Variants in VAV3 observed in about 807,000 individuals in gnomAD.
VAV3 encodes the protein vav guanine nucleotide exchange factor 3.
In VAV3, 94 loss-of-function variants were observed where a neutral mutation model predicts 131.2. The observed-to-expected ratio is 0.72, with a 90% CI of 0.61 to 0.85. The LOEUF is 0.85. Among genes scored for constraint, VAV3 ranks in the 40% least tolerant of loss-of-function variants. VAV3 has a pLI of 0.00. For synonymous variants in VAV3, 349 were observed against 342.0 expected, an observed-to-expected ratio of 1.02 and a Z score of -0.22; for missense variants, 939 against 1,002.7, an observed-to-expected ratio of 0.94 and a Z score of 0.86.
intron 1 of VAV3, among the ~76,000 whole-genome samples, chr1:107,904,176 T>C (rs1671996747): frequency 6.6e-6 from 1 of 152,140 alleles, no homozygotes. Flanking sequence ...AAATGACCCT[T>C]TGGTATCAAT....
At chr1:107,743,367 G>A (rs1663134607) in intron 15 of VAV3, among the ~76,000 whole-genome samples, 1 of 152,116 alleles carries the variant, frequency 6.6e-6, no homozygotes, top group Non-Finnish European at 1.5e-5. Flanking sequence ...AGACTGGTGA[G>A]AGATTGATTA....
chr1:107,722,299 A>G (rs1336080699), intron 15 of VAV3, among the ~76,000 whole-genome samples: 1 of 152,164 alleles, frequency 6.6e-6, no homozygotes, highest in Non-Finnish European at 1.5e-5. Flanking sequence ...TGCAGAGCAC[A>G]CTTTTCTCAC....
At chr1:107,631,316 T>C (rs1468574738) in intron 20 of VAV3, among the ~76,000 whole-genome samples, 1 of 152,044 alleles carries the variant, frequency 6.6e-6, no homozygotes, top group Non-Finnish European at 1.5e-5. Flanking sequence ...GCAGGCATAA[T>C]ACATGTTTAG....
chr1:107,757,225 A>C, intron 11 of VAV3, 36 bp downstream of exon 11: 1 of 1,591,110 alleles, frequency 6.3e-7, no homozygotes, highest in Non-Finnish European at 8.6e-7. Context: ...GGCAAGAATA[A>C]AAAATACAAA....
intron 2 of VAV3, among the ~76,000 whole-genome samples, chr1:107,853,484 ACAAG>A (rs1669322703): frequency 6.6e-6 from 1 of 152,080 alleles, no homozygotes; most frequent in Non-Finnish European, 1.5e-5. Flanking sequence ...TTTGAGATAC[ACAAG>A]TTTTCCATTT....
chr1:107,882,580 T>C lies in VAV3; in HGVS notation c.205-7563A>G, dbSNP rs144199915. Among the ~76,000 whole-genome samples, 621 of 152,224 alleles carry C rather than the reference T, an allele frequency of 4.1e-3. 5 individuals are homozygous for C. The highest frequency in any genetic ancestry group is 0.014 in the African/African-American group (584 of 41,548). ...GGAAGAGGTGTAAGGAATATAATAA[T>C]ATCAAGCTTCTCTCTTACTGGAGTT... On this transcript the variant is annotated intron_variant, in intron 1 of 26. Coordinates refer to ENST00000370056, the MANE Select transcript of VAV3 (RefSeq NM_006113.5).
At chr1:107,610,597 G>GA (rs1297291468) in intron 21 of VAV3, among the ~76,000 whole-genome samples, 3 of 152,006 alleles carry the variant, frequency 2.0e-5, no homozygotes, top group East Asian at 1.9e-4. Flanking sequence ...CTTTTATTCA[G>GA]AAAAAAGGCA....
At chr1:107,584,597 GA>G (rs1474958305) in intron 25 of VAV3, among the ~76,000 whole-genome samples, 1 of 151,676 alleles carries the variant, frequency 6.6e-6, no homozygotes, top group Non-Finnish European at 1.5e-5. Flanking sequence ...TATTGTCACT[GA>G]AAAAAAACTA....
intron 3 of VAV3, 131 bp from the exon 4 acceptor site, chr1:107,777,427 G>A (rs1665424926): frequency 2.5e-6 from 2 of 784,694 alleles, no homozygotes; most frequent in South Asian, 1.6e-5. Flanking sequence ...CAGTCACCAT[G>A]TCTAACAATA....
At position 107,919,900 on chromosome 1, in the gene VAV3, GGT is replaced by G. The variant is rs1361405176; in HGVS notation, c.204+44764_204+44765del. Among the ~76,000 whole-genome samples the G allele has an allele frequency of 1.6e-3, 242 of 151,862 alleles. 2 individuals carry two copies. In the Middle Eastern group the frequency reaches 0.027, roughly 17 times the overall value. On this transcript the variant is annotated intron_variant, in intron 1 of 26. Transcript: ENST00000370056. Reference sequence around the variant, plus strand: ...ACATAAAAAACATTACCTTAATAAAGGTAACTTAAAAAAAATGAAAGAGAAAA... The same window carrying G: ...ACATAAAAAACATTACCTTAATAAAGAACTTAAAAAAAATGAAAGAGAAAA...
chr1:107,937,299 T>C (rs1003423565), intron 1 of VAV3, among the ~76,000 whole-genome samples: 2 of 152,198 alleles, frequency 1.3e-5, no homozygotes, highest in Non-Finnish European at 2.9e-5. Flanking sequence ...AATTGGTCCC[T>C]TCCATGCTGA....
In VAV3 at chr1:107,965,035, G is replaced by T; in HGVS notation, c.-166C>A. The T allele has an allele frequency of 2.6e-6, 1 of 391,798 alleles. No individual in the cohort carries two copies. The allele number at this position is 391,798 out of a possible 1,614,324, so 24.3% of individuals were successfully genotyped here. A position where few individuals can be genotyped will look rare whatever the true frequency, so the allele number is the denominator to read the frequency against. Reference sequence around the variant, plus strand: ...CCGCGGCTGACGGGTCGCGGGCGCCGCGCTAGGCTCGGCTCCGGTCCCGGC... The same window carrying T: ...CCGCGGCTGACGGGTCGCGGGCGCCTCGCTAGGCTCGGCTCCGGTCCCGGC... On this transcript the variant is annotated 5_prime_UTR_variant, in exon 1 of 27. Transcript: ENST00000370056.
At chr1:107,938,139 C>T (rs912465196) in intron 1 of VAV3, among the ~76,000 whole-genome samples, 6 of 152,052 alleles carry the variant, frequency 3.9e-5, no homozygotes, top group African/African-American at 1.4e-4. Flanking sequence ...ATTCTTGACC[C>T]TTCATATATA....
chr1:107,734,657 T>C (rs1199389773), intron 15 of VAV3, among the ~76,000 whole-genome samples: 1 of 152,162 alleles, frequency 6.6e-6, no homozygotes, highest in East Asian at 1.9e-4. Context: ...CAAGAAGAGC[T>C]AACTATCCTA....
chr1:107,792,934 G>A (rs1005494331), intron 2 of VAV3, among the ~76,000 whole-genome samples: 18 of 152,062 alleles, frequency 1.2e-4, no homozygotes, highest in Admixed American at 1.2e-3. Flanking sequence ...GGACATTACA[G>A]GACTGTAATG....
chr1:107,840,630 C>T (rs1231948520), intron 2 of VAV3, among the ~76,000 whole-genome samples: 1 of 151,904 alleles, frequency 6.6e-6, no homozygotes, highest in Non-Finnish European at 1.5e-5. Flanking sequence ...ACGTTCTTAA[C>T]GTGCCCTAAA....
intron 19 of VAV3, among the ~76,000 whole-genome samples, chr1:107,665,977 G>C (rs777530258): frequency 6.6e-6 from 1 of 152,188 alleles, no homozygotes; most frequent in South Asian, 2.1e-4. Context: ...AACTATTCCA[G>C]AATCAAAACA....
At chr1:107,754,747 G>T (rs1663997772) in intron 12 of VAV3, among the ~76,000 whole-genome samples, 1 of 152,092 alleles carries the variant, frequency 6.6e-6, no homozygotes, top group African/African-American at 2.4e-5. Flanking sequence ...TTACCTTTCA[G>T]CTTCTTGAAT....
intron 2 of VAV3, among the ~76,000 whole-genome samples, chr1:107,859,559 C>T (rs954696709): frequency 6.6e-6 from 1 of 152,138 alleles, no homozygotes; most frequent in African/African-American, 2.4e-5. Flanking sequence ...TAAATCTTAA[C>T]AAAAATATTT....
Sources: gnomAD v4.1 joint callset for allele counts (sites outside exome capture counted in the v4.1 genomes callset) on GRCh38, gnomAD v4.1.1 for gene constraint, MANE v1.5 for transcripts, NCBI Gene and HGNC (gene_info 2026-07-23, HGNC 2026-07-21) for gene names.